The following CA10 variants were observed in gnomAD, a reference collection of about 807,000 sequenced individuals.
CA10 encodes carbonic anhydrase-related protein 10.
Under a neutral mutation model 44.2 loss-of-function variants are expected in CA10, and 14 were observed. The observed-to-expected ratio is 0.32, with a 90% CI of 0.21 to 0.50. The LOEUF is 0.50. Among genes scored for constraint, CA10 ranks in the 20% least tolerant of loss-of-function variants. The pLI is 0.99. For synonymous variants in CA10, 159 were observed against 141.6 expected, an observed-to-expected ratio of 1.12 and a Z score of -0.87; for missense variants, 350 against 409.7, an observed-to-expected ratio of 0.85 and a Z score of 1.26.
At chr17:51,788,931 A>C (rs978937690) in intron 3 of CA10, among the ~76,000 whole-genome samples, 2 of 151,422 alleles carry the variant, frequency 1.3e-5, no homozygotes, top group Admixed American at 1.3e-4. Context: ...AAATAAATCC[A>C]CTCTTTCTTT....
At chr17:51,827,437 A>C (rs998450282) in intron 3 of CA10, among the ~76,000 whole-genome samples, 1 of 152,184 alleles carries the variant, frequency 6.6e-6, no homozygotes, top group African/African-American at 2.4e-5. Context: ...AAAATGTGAA[A>C]AAATGTTGGT....
At chr17:51,915,975 A>T (rs1981980087) in intron 3 of CA10, among the ~76,000 whole-genome samples, 1 of 152,088 alleles carries the variant, frequency 6.6e-6, no homozygotes, top group South Asian at 2.1e-4. Flanking sequence ...TTAAAAAAAA[A>T]AAAACCTTAC....
In CA10 at chr17:51,918,788, T is replaced by C. The variant is rs149015053; in HGVS notation, c.279+12202A>G. ...GGCTGAATGGCTTATTTTCACATTA[T>C]TTGCAGTTTGGATTTTGGCCCTAGC... On this transcript the variant is annotated intron_variant, in intron 3 of 8. Transcript: ENST00000451037. 2.4e-3 allele frequency among the ~76,000 whole-genome samples: 361 copies of C among 152,320 alleles called. 1 individual carries two copies. The highest frequency in any genetic ancestry group is 8.1e-3 in the African/African-American group (336 of 41,576).
At chr17:52,133,719 A>G (rs1989292211) in intron 1 of CA10, among the ~76,000 whole-genome samples, 1 of 152,196 alleles carries the variant, frequency 6.6e-6, no homozygotes, top group Non-Finnish European at 1.5e-5. Context: ...AATGTTTGTA[A>G]TAGCATATTT....
At chr17:51,874,955 TTTTTCTTTTTTTTCTTTTCTTTTC>T (rs754987608) in intron 3 of CA10, among the ~76,000 whole-genome samples, 2,733 of 82,930 alleles carry the variant, frequency 0.033, 44 homozygotes, top group South Asian at 0.097. Flanking sequence ...CTTCTGTTTT[TTTTTCTTTTTTTTCTTTTCTTTTC>T]TTTTCTTTTC....
intron 4 of CA10, among the ~76,000 whole-genome samples, chr17:51,691,244 TTA>T (rs1182237109): frequency 6.6e-6 from 1 of 152,224 alleles, no homozygotes; most frequent in African/African-American, 2.4e-5. Context: ...CCAACACTTG[TTA>T]TGTTTCATCT....
intron 8 of CA10, among the ~76,000 whole-genome samples, chr17:51,633,100 A>G (rs1912660231): frequency 1.6e-5 from 2 of 123,838 alleles, no homozygotes; most frequent in Non-Finnish European, 3.5e-5. Flanking sequence ...GGCTCTTTTG[A>G]AAAATGGCAA....
At position 51,731,537 on chromosome 17, in the gene CA10, T is replaced by C. The variant is rs1288937234; in HGVS notation, c.465+16096A>G. On this transcript the variant is annotated intron_variant, in intron 4 of 8. Transcript: ENST00000451037. ...AAACTTCCTTTGGTGGTGGGGGGAG[T>C]CCTTGTTTTAACTATTCTGTCCCTA... Among the ~76,000 whole-genome samples the C allele has an allele frequency of 4.6e-5, 7 of 150,950 alleles. No individual in the cohort carries two copies. The South Asian group carries it at 6.3e-4, about 14-fold the overall frequency.
chr17:52,130,921 T>C (rs1989224441), intron 1 of CA10, among the ~76,000 whole-genome samples: 2 of 152,122 alleles, frequency 1.3e-5, no homozygotes, highest in Admixed American at 6.6e-5. Context: ...ATGGTGACTA[T>C]AGTGAATAAC....
At chr17:51,957,037 C>T (rs928540647) in intron 2 of CA10, among the ~76,000 whole-genome samples, 8 of 152,060 alleles carry the variant, frequency 5.3e-5, no homozygotes, top group Admixed American at 5.2e-4. Flanking sequence ...GCCCAGATTG[C>T]TTTTATTTTC....
chr17:52,157,362 G>A (rs1048340723), intron 1 of CA10, among the ~76,000 whole-genome samples: 1 of 152,086 alleles, frequency 6.6e-6, no homozygotes, highest in African/African-American at 2.4e-5. Context: ...CCGAGTCTGG[G>A]AACTTTGAAA....
chr17:51,901,127 T>C (rs1449224864), intron 3 of CA10, among the ~76,000 whole-genome samples: 2 of 152,174 alleles, frequency 1.3e-5, no homozygotes, highest in Non-Finnish European at 2.9e-5. Flanking sequence ...GGTTCTTTCT[T>C]ATCTGTATGG....
rs528604741 is a variant in CA10, at chr17:52,123,462, A to T, written c.61+34264T>A. The stretch of plus-strand genomic sequence containing the variant: ...TTACCAGCTTTCTAGTTCTTTGGGG[A>T]CCTAAGGACCTCCTATGTAGGAACC... On this transcript the variant is annotated intron_variant, in intron 1 of 8. Transcript: ENST00000451037. Among the ~76,000 whole-genome samples the T allele has an allele frequency of 8.5e-4, 129 of 151,558 alleles. 2 individuals are homozygous for T. In the South Asian group the frequency reaches 0.026, roughly 31 times the overall value.
chr17:51,942,581 A>G (rs1567894112), intron 2 of CA10, among the ~76,000 whole-genome samples: 1 of 140,270 alleles, frequency 7.1e-6, no homozygotes, highest in Non-Finnish European at 1.6e-5. Context: ...TCTTACCATG[A>G]TCAAATCTGG....
intron 2 of CA10, among the ~76,000 whole-genome samples, chr17:51,949,391 T>G (rs1983401209): frequency 6.6e-6 from 1 of 152,204 alleles, no homozygotes. Flanking sequence ...ACTTCTATTT[T>G]CAAACTCATT....
chr17:51,819,771 C>T (rs572236995), intron 3 of CA10, among the ~76,000 whole-genome samples: 2 of 152,314 alleles, frequency 1.3e-5, no homozygotes, highest in East Asian at 1.9e-4. Flanking sequence ...GGCTTCCAGT[C>T]CAGTGAATAA....
At chr17:52,144,448 G>A (rs1411378078) in intron 1 of CA10, among the ~76,000 whole-genome samples, 1 of 152,060 alleles carries the variant, frequency 6.6e-6, no homozygotes, top group Non-Finnish European at 1.5e-5. Flanking sequence ...CTACATTAGA[G>A]GTTTTGATAA....
intron 3 of CA10, among the ~76,000 whole-genome samples, chr17:51,926,065 C>G (rs1392296606): frequency 6.6e-6 from 1 of 152,106 alleles, no homozygotes; most frequent in African/African-American, 2.4e-5. Flanking sequence ...ACTGAACCAT[C>G]CACTTTAAAA....
intron 3 of CA10, among the ~76,000 whole-genome samples, chr17:51,805,482 C>T (rs183267540): frequency 7.9e-5 from 12 of 152,310 alleles, no homozygotes; most frequent in African/African-American, 2.9e-4. Context: ...CATCAGAATC[C>T]TTTGGAGAAC....
Sources: gnomAD v4.1 joint callset for allele counts (sites outside exome capture counted in the v4.1 genomes callset) on GRCh38, gnomAD v4.1.1 for gene constraint, MANE v1.5 for transcripts, NCBI Gene and HGNC (gene_info 2026-07-23, HGNC 2026-07-21) for gene names.